The following IL1RAPL1 variants were observed in gnomAD, a reference collection of about 807,000 sequenced individuals.
IL1RAPL1 encodes interleukin-1 receptor accessory protein-like 1.
A neutral mutation model predicts 48.4 loss-of-function variants in IL1RAPL1; 3 were observed. The ratio of observed to expected loss-of-function variants is 0.06; its 90% confidence interval spans 0.03 to 0.16. The LOEUF is 0.16. Among genes scored for constraint, IL1RAPL1 ranks in the 10% least tolerant of loss-of-function variants. IL1RAPL1 has a pLI of 1.00. For synonymous variants in IL1RAPL1, 185 were observed against 187.7 expected, an observed-to-expected ratio of 0.99 and a Z score of 0.12; for missense variants, 349 against 530.6, an observed-to-expected ratio of 0.66 and a Z score of 3.36.
At chrX:29,089,868 T>C (rs1322715807) in intron 2 of IL1RAPL1, among the ~76,000 whole-genome samples, 2 of 99,299 alleles carry the variant, frequency 2.0e-5, no homozygotes, top group East Asian at 3.3e-4. Context: ...TGAACTGTTA[T>C]GTTAGAATAT....
chrX:29,364,376 T>A (rs1933417102), intron 3 of IL1RAPL1, among the ~76,000 whole-genome samples: 1 of 108,522 alleles, frequency 9.2e-6, no homozygotes, highest in Non-Finnish European at 1.9e-5. Context: ...CTGTCCAAGA[T>A]GGTGAAACCC....
intron 9 of IL1RAPL1, among the ~76,000 whole-genome samples, chrX:29,953,792 T>C (rs1043549838): frequency 1.8e-5 from 2 of 111,141 alleles, no homozygotes; most frequent in South Asian, 7.5e-4. Context: ...AAATCATTCA[T>C]TCACAATTAA....
At chrX:29,099,110 C>A (rs1461996002) in intron 2 of IL1RAPL1, among the ~76,000 whole-genome samples, 1 of 111,759 alleles carries the variant, frequency 8.9e-6, no homozygotes, top group Non-Finnish European at 1.9e-5. Context: ...CAAGATCACG[C>A]CATTGCACCC....
intron 5 of IL1RAPL1, among the ~76,000 whole-genome samples, chrX:29,438,251 A>T: frequency 9.0e-6 from 1 of 111,081 alleles, no homozygotes; most frequent in Middle Eastern, 4.6e-3. Context: ...TCGTATTGGT[A>T]ACTTGTGTCT....
intron 6 of IL1RAPL1, among the ~76,000 whole-genome samples, chrX:29,681,406 G>C (rs1385017278): frequency 8.9e-6 from 1 of 112,186 alleles, no homozygotes; most frequent in Non-Finnish European, 1.9e-5. Flanking sequence ...GAGCAGCATA[G>C]TTAATTATGA....
chrX:29,125,754 G>T (rs746372189), intron 2 of IL1RAPL1, among the ~76,000 whole-genome samples: 1 of 110,508 alleles, frequency 9.0e-6, no homozygotes, highest in African/African-American at 3.3e-5. Context: ...ATTTTGCTGT[G>T]TATTACTTGA....
At chrX:29,947,470 G>A (rs1933233830) in intron 9 of IL1RAPL1, among the ~76,000 whole-genome samples, 1 of 111,218 alleles carries the variant, frequency 9.0e-6, no homozygotes, top group South Asian at 3.7e-4. Context: ...AGATCTCCTA[G>A]TCCTACGTTG....
At chrX:29,776,471 G>T (rs1355742255) in intron 6 of IL1RAPL1, among the ~76,000 whole-genome samples, 1 of 111,663 alleles carries the variant, frequency 9.0e-6, no homozygotes, top group African/African-American at 3.3e-5. Flanking sequence ...GTCCTATATT[G>T]TAGTGTCATA....
At chrX:28,922,628 C>T (rs776009866) in intron 2 of IL1RAPL1, among the ~76,000 whole-genome samples, 1 of 111,953 alleles carries the variant, frequency 8.9e-6, no homozygotes, top group African/African-American at 3.2e-5. Flanking sequence ...TTGAGTGTTT[C>T]AAGCCATCTT....
intron 5 of IL1RAPL1, among the ~76,000 whole-genome samples, chrX:29,433,951 C>T (rs1602233047): frequency 9.1e-6 from 1 of 109,730 alleles, no homozygotes; most frequent in African/African-American, 3.3e-5. Context: ...TGTGCCTATT[C>T]ATTTCACAAA....
chrX:29,100,788 G>T (rs1247584309), intron 2 of IL1RAPL1, among the ~76,000 whole-genome samples: 1 of 111,403 alleles, frequency 9.0e-6, no homozygotes, highest in African/African-American at 3.3e-5. Flanking sequence ...TATAAAAAAG[G>T]CACTTATCTC....
At chrX:29,799,016 G>A (rs1301617147) in intron 6 of IL1RAPL1, among the ~76,000 whole-genome samples, 1 of 111,467 alleles carries the variant, frequency 9.0e-6, no homozygotes, top group Non-Finnish European at 1.9e-5. Flanking sequence ...TTTAGTTGTT[G>A]TTAGACGTAA....
intron 3 of IL1RAPL1, among the ~76,000 whole-genome samples, chrX:29,341,004 A>C (rs1295774626): frequency 8.9e-6 from 1 of 112,335 alleles, no homozygotes; most frequent in Non-Finnish European, 1.9e-5. Context: ...TTCTGAATTA[A>C]CCTATGTAAG....
At chrX:29,059,086 G>A (rs765234965) in intron 2 of IL1RAPL1, among the ~76,000 whole-genome samples, 10 of 112,018 alleles carry the variant, frequency 8.9e-5, no homozygotes, top group South Asian at 3.8e-4. Context: ...AATTTTCACC[G>A]TGCAACTCGG....
In IL1RAPL1 at chrX:29,954,538, T is replaced by C. The variant is rs758355838; in HGVS notation, c.1218T>C (p.Asp406=). The change falls in exon 10 of 11, where the codon GAT becomes GAC. Residue 406 remains aspartate, a synonymous_variant. Coordinates refer to ENST00000378993, the MANE Select transcript of IL1RAPL1 (RefSeq NM_014271.4). ...TTTTGACAGACAATAAAGATTATGA[T>C]GCATACTTATCATACACCAAAGTGG... The part of the protein sequence containing the change: ...EELDGDNKDY[D]AYLSYTKVDP... The C allele has an allele frequency of 2.1e-5, 25 of 1,207,939 alleles. No individual in the cohort carries two copies. The highest frequency in any genetic ancestry group is 2.5e-5 in the Non-Finnish European group (22 of 893,142).
chrX:29,607,969 A>G (rs1178436265), intron 5 of IL1RAPL1, among the ~76,000 whole-genome samples: 1 of 112,208 alleles, frequency 8.9e-6, no homozygotes, highest in African/African-American at 3.2e-5. Flanking sequence ...TTATGTTTCA[A>G]TTATCTATTG....
chrX:29,181,055 C>T (rs187118978), intron 2 of IL1RAPL1, among the ~76,000 whole-genome samples: 1 of 111,414 alleles, frequency 9.0e-6, no homozygotes, highest in East Asian at 2.8e-4. Flanking sequence ...ATTGTCTTTC[C>T]ACTGTGTGAA....
At chrX:29,697,735 A>G (rs1926950663) in intron 6 of IL1RAPL1, among the ~76,000 whole-genome samples, 1 of 112,094 alleles carries the variant, frequency 8.9e-6, no homozygotes, top group Admixed American at 9.5e-5. Context: ...ACCAAGTTCT[A>G]TTGACAATAC....
chrX:29,435,625 C>G (rs1374695839), intron 5 of IL1RAPL1, among the ~76,000 whole-genome samples: 2 of 110,247 alleles, frequency 1.8e-5, no homozygotes, highest in African/African-American at 6.6e-5. Context: ...TTGCTAAGGT[C>G]AAAATTATTT....
Sources: allele counts gnomAD v4.1 joint callset (sites outside exome capture counted in the v4.1 genomes callset), GRCh38; gene constraint gnomAD v4.1.1; transcripts MANE v1.5; gene names NCBI Gene and HGNC (gene_info 2026-07-23, HGNC 2026-07-21).